PRUNE2: variants seen among roughly 807,000 people sequenced by gnomAD.
The protein encoded by PRUNE2 is protein prune homolog 2.
Under a neutral mutation model 252.0 loss-of-function variants are expected in PRUNE2, and 164 were observed. That is an observed-to-expected ratio of 0.65 (90% CI 0.57 to 0.74). The LOEUF is 0.74. Among genes scored for constraint, PRUNE2 ranks in the 30% least tolerant of loss-of-function variants. The pLI, the probability that PRUNE2 is intolerant of heterozygous loss-of-function variation, is 0.00. For missense variants in PRUNE2, 3,495 were observed against 3,711.0 expected, an observed-to-expected ratio of 0.94 and a Z score of 1.51; for synonymous variants, 1,292 against 1,350.2, an observed-to-expected ratio of 0.96 and a Z score of 0.94.
intron 1 of PRUNE2, among the ~76,000 whole-genome samples, chr9:76,879,878 C>CATATATATATATATATATATATATAT (rs1391636538): frequency 8.0e-5 from 6 of 75,372 alleles, no homozygotes; most frequent in African/African-American, 4.1e-4. Context: ...AGAGGCCTGT[C>CATATATATATATATATATATATATAT]ATATATATAT....
chr9:76,709,153 T>C lies in PRUNE2; in HGVS notation c.3121A>G (p.Ser1041Gly). Residue 1041 changes from serine (S) to glycine (G), a missense_variant, in exon 8 of 19, where the codon AGT becomes GGT. Transcript: ENST00000376718. ...DMWASPHTDN[S>G]SEINTTHNLD... The stretch of plus-strand genomic sequence containing the variant: ...TTGTGAGTGGTATTTATTTCAGAAC[T>C]GTTATCTGTATGAGGTGAAGCCCAC... 1 of 1,613,994 alleles carries C rather than the reference T, an allele frequency of 6.2e-7. No individual in the cohort carries two copies. Among genetic ancestry groups the C allele is most frequent in the Non-Finnish European group, 8.5e-7 (1 of 1,179,894 alleles).
intron 6 of PRUNE2, among the ~76,000 whole-genome samples, chr9:76,765,308 T>C (rs1270342698): frequency 1.3e-5 from 2 of 152,026 alleles, no homozygotes; most frequent in African/African-American, 2.4e-5. Flanking sequence ...CAAGATGAAA[T>C]AGACATCAAG....
intron 1 of PRUNE2, among the ~76,000 whole-genome samples, chr9:76,877,893 G>C (rs1404611483): frequency 6.6e-6 from 1 of 152,140 alleles, no homozygotes; most frequent in Non-Finnish European, 1.5e-5. Flanking sequence ...AAACTACTTA[G>C]GTATAGTGTA....
chr9:76,817,395 T>C (rs556066707), intron 6 of PRUNE2, among the ~76,000 whole-genome samples: 1 of 152,352 alleles, frequency 6.6e-6, no homozygotes, highest in Admixed American at 6.5e-5. Flanking sequence ...CACTGGCTAA[T>C]TATTTTCCAA....
intron 6 of PRUNE2, among the ~76,000 whole-genome samples, chr9:76,795,096 C>T (rs1470792312): frequency 1.3e-5 from 2 of 152,134 alleles, no homozygotes; most frequent in African/African-American, 2.4e-5. Flanking sequence ...AATTGAATGA[C>T]GCTGGCCAGG....
chr9:76,906,021 C>T lies in PRUNE2; in HGVS notation c.-58G>A, dbSNP rs1240965842. On this transcript the variant is annotated 5_prime_UTR_variant, in exon 1 of 19. Transcript: ENST00000376718. ...GGAGGGGCGCAGTGGAAAATCTCGG[C>T]CCAAGGAAGACGAGCGGGGTCCCGG... The T allele has an allele frequency of 6.3e-7, 1 of 1,586,506 alleles. No homozygotes were observed. Among genetic ancestry groups the T allele is most frequent in the Non-Finnish European group, 8.7e-7 (1 of 1,155,658 alleles).
chr9:76,905,797 GACA>G, intron 1 of PRUNE2, 128 bp downstream of exon 1: 1 of 1,184,148 alleles, frequency 8.4e-7, no homozygotes, highest in Non-Finnish European at 1.3e-6. Flanking sequence ...TCTTCCAGGA[GACA>G]ACCCGCACAC....
At chr9:76,851,638 T>A (rs1405529072) in intron 2 of PRUNE2, among the ~76,000 whole-genome samples, 1 of 152,108 alleles carries the variant, frequency 6.6e-6, no homozygotes, top group Non-Finnish European at 1.5e-5. Flanking sequence ...ATTTAATTAT[T>A]ACAATTCATT....
intron 9 of PRUNE2, among the ~76,000 whole-genome samples, chr9:76,655,879 A>T (rs1849017179): frequency 6.6e-6 from 1 of 152,164 alleles, no homozygotes. Context: ...TTACTCTGTA[A>T]ATTTGAGTAT....
chr9:76,754,795 T>C (rs1036870182), intron 6 of PRUNE2, among the ~76,000 whole-genome samples: 3 of 151,674 alleles, frequency 2.0e-5, no homozygotes. Flanking sequence ...TGAAACCCTG[T>C]CTCTACTAAA....
In PRUNE2 at chr9:76,898,970, T is replaced by C. The variant is rs555565211; in HGVS notation, c.36+6958A>G. Among the ~76,000 whole-genome samples the C allele has an allele frequency of 3.5e-4, 53 of 152,334 alleles. 1 individual carries two copies. Among genetic ancestry groups the C allele is most frequent in the Middle Eastern group, 3.4e-3 (1 of 294 alleles). On this transcript the variant is annotated intron_variant, in intron 1 of 18. Transcript: ENST00000376718. The stretch of plus-strand genomic sequence containing the variant: ...GGACGAGAGGTCTGACTCAGGATCA[T>C]GCATGGGTTTACCCCACACATGAGG...
intron 6 of PRUNE2, among the ~76,000 whole-genome samples, chr9:76,730,828 G>T (rs1331956551): frequency 1.3e-5 from 2 of 152,176 alleles, no homozygotes; most frequent in Admixed American, 6.5e-5. Flanking sequence ...GCTTGAACTT[G>T]GGAGGCAGAT....
chr9:76,627,639 T>C (rs989952870), intron 16 of PRUNE2, among the ~76,000 whole-genome samples: 6 of 152,160 alleles, frequency 3.9e-5, no homozygotes, highest in Non-Finnish European at 8.8e-5. Context: ...ATATTGCTTA[T>C]GTAGGAGAAC....
At position 76,826,196 on chromosome 9, in the gene PRUNE2, G is replaced by A. The variant is rs541001714; in HGVS notation, c.661+384C>T. On this transcript the variant is annotated intron_variant, in intron 5 of 18. Coordinates refer to ENST00000376718, the MANE Select transcript of PRUNE2 (RefSeq NM_015225.3). The stretch of plus-strand genomic sequence containing the variant: ...CACATTCAAATGTACCTTCTCAGCT[G>A]GGCATGGTGGCTCACACCTGTAATC... 5.3e-5 allele frequency among the ~76,000 whole-genome samples: 8 copies of A among 152,270 alleles called. No individual in the cohort carries two copies. The South Asian group carries it at 1.5e-3, about 28-fold the overall frequency.
In PRUNE2 at chr9:76,652,610, A is replaced by AAGAT. The variant is rs1394600208; in HGVS notation, c.8426_8429dup (p.Leu2812PhefsTer6). 6.2e-7 allele frequency: 1 copy of AAGAT among 1,613,144 alleles called. No individual in the cohort carries two copies. The highest frequency in any genetic ancestry group is 8.5e-7 in the Non-Finnish European group (1 of 1,179,206). The stretch of plus-strand genomic sequence containing the variant: ...TAGATCCTTCACTTTGGTCCAGAGA[A>AAGAT]AGATTGATATTTGGGGCTGTGAGCT... On this transcript the variant is annotated frameshift_variant, in exon 11 of 19. Transcript: ENST00000376718. LOFTEE classifies it high-confidence loss of function.
intron 1 of PRUNE2, among the ~76,000 whole-genome samples, chr9:76,881,337 A>G (rs775688045): frequency 1.1e-4 from 16 of 152,346 alleles, no homozygotes; most frequent in Admixed American, 3.3e-4. Context: ...CTAATAAAAT[A>G]ATAAAAATGC....
chr9:76,712,157 T>C (rs906174665), intron 7 of PRUNE2, among the ~76,000 whole-genome samples: 2 of 152,120 alleles, frequency 1.3e-5, no homozygotes, highest in African/African-American at 4.8e-5. Context: ...TAATTAACAT[T>C]TATTGAGTGC....
At chr9:76,674,226 T>A (rs375000355) in intron 9 of PRUNE2, among the ~76,000 whole-genome samples, 1,774 of 152,230 alleles carry the variant, frequency 0.012, 10 homozygotes, top group Middle Eastern at 0.031. Context: ...ACAAAATCAA[T>A]GTACAAAAAT....
intron 6 of PRUNE2, among the ~76,000 whole-genome samples, chr9:76,811,416 T>C (rs995989049): frequency 9.8e-5 from 15 of 152,300 alleles, no homozygotes; most frequent in Non-Finnish European, 2.9e-5. Flanking sequence ...CTTTGCCCAA[T>C]TATGGGATGA....
Sources: gnomAD v4.1 joint callset for allele counts (sites outside exome capture counted in the v4.1 genomes callset) on GRCh38, gnomAD v4.1.1 for gene constraint, MANE v1.5 for transcripts, NCBI Gene and HGNC (gene_info 2026-07-23, HGNC 2026-07-21) for gene names.